The following CRACD variants were observed in gnomAD, a reference collection of about 807,000 sequenced individuals.
The protein encoded by CRACD is capping protein-inhibiting regulator of actin dynamics.
Under a neutral mutation model 106.8 loss-of-function variants are expected in CRACD, and 56 were observed. That is an observed-to-expected ratio of 0.52 (90% CI 0.42 to 0.66). CRACD has a LOEUF of 0.66. Among genes scored for constraint, CRACD ranks in the 30% least tolerant of loss-of-function variants. The probability of loss-of-function intolerance (pLI) is 0.00; values close to 1 mark genes in which losing one functional copy is unlikely to be tolerated. For missense variants in CRACD, 1,730 were observed against 1,623.2 expected (o/e 1.07, Z -1.13); for synonymous variants, 754 against 670.8 (o/e 1.12, Z -1.92).
At chr4:56,101,737 T>C (rs890104694) in intron 1 of CRACD, among the ~76,000 whole-genome samples, 17 of 137,692 alleles carry the variant, frequency 1.2e-4, no homozygotes, top group African/African-American at 4.5e-4. Flanking sequence ...CACTTCAGCC[T>C]GGGTGACAGA....
Position 56,316,196 on chromosome 4 carries a change from G to C in CRACD, c.2694G>C (p.Val898=). 8 of 1,614,166 alleles carry C rather than the reference G, an allele frequency of 5.0e-6. No homozygotes were observed. The highest frequency in any genetic ancestry group is 6.8e-6 in the Non-Finnish European group (8 of 1,180,014). The part of the protein sequence containing the change: ...SARGEKEMEG[V]ALKHGPSLPQ... ...GTGGAGAGAAAGAGATGGAGGGTGT[G>C]GCCCTCAAGCATGGTCCATCCCTCC... Residue 898 remains valine, a synonymous_variant, in exon 8 of 11, where the codon GTG becomes GTC. Coordinates refer to ENST00000682029, the MANE Select transcript of CRACD (RefSeq NM_001393381.1).
intron 3 of CRACD, among the ~76,000 whole-genome samples, chr4:56,289,698 A>G: frequency 6.6e-6 from 1 of 152,056 alleles, no homozygotes; most frequent in East Asian, 1.9e-4. Context: ...CAAAAAAAAA[A>G]AAAAAACAAA....
rs1258440451 is a variant in CRACD at position 56,314,448 on chromosome 4, G to T, written c.946G>T (p.Ala316Ser). ...REREERERLE[A>S]EEERRRLQAQ... ...GCGTGAGGAGCGCGAGCGCCTGGAG[G>T]CGGAGGAGGAGCGAAGGCGTCTGCA... Residue 316 changes from alanine to serine, a missense_variant, in exon 8 of 11, where the codon GCG becomes TCG. By Grantham distance (99) the Ala-to-Ser change is moderately conservative. Transcript: ENST00000682029. This position sits in a 1 kb window ranked among gnomAD's most constrained non-coding sequence, Gnocchi z 4.4. 6.5e-7 allele frequency: 1 copy of T among 1,539,436 alleles called. No individual in the cohort carries two copies.
intron 5 of CRACD, 32 bp from the exon 6 acceptor site, chr4:56,310,634 C>G (rs1252789495): frequency 1.3e-6 from 2 of 1,503,604 alleles, no homozygotes; most frequent in Non-Finnish European, 1.9e-6. Context: ...CCTGTTCAGG[C>G]CTTTGACTTG....
intron 1 of CRACD, among the ~76,000 whole-genome samples, chr4:56,094,733 T>C (rs1226802613): frequency 6.6e-6 from 1 of 152,228 alleles, no homozygotes; most frequent in Non-Finnish European, 1.5e-5. Flanking sequence ...GGATTTCATG[T>C]ACATTCATTT....
At chr4:56,050,560 A>G (rs967966182) in intron 1 of CRACD, among the ~76,000 whole-genome samples, 5 of 152,126 alleles carry the variant, frequency 3.3e-5, no homozygotes, top group African/African-American at 1.2e-4. Flanking sequence ...GTTTTGAGTA[A>G]TTTTTAAAAA....
chr4:56,314,952 G>A lies in CRACD; in HGVS notation c.1450G>A (p.Glu484Lys), dbSNP rs1577903796. ...TCGTCCTGGGCCCGAGGAAAAGAGA[G>A]AAGAAGGGGACACGGAGCCTCTCCT... ...ADRPGPEEKR[E>K]EGDTEPLLKQ... The change falls in exon 8 of 11, where the codon GAA (glutamate) becomes AAA (lysine). Residue 484 changes from glutamate (E) to lysine (K), a missense_variant. Transcript: ENST00000682029. This position sits in a 1 kb window ranked among gnomAD's most constrained non-coding sequence, Gnocchi z 4.4. 6.3e-7 allele frequency: 1 copy of A among 1,594,092 alleles called. No individual in the cohort carries two copies. The highest frequency in any genetic ancestry group is 8.5e-7 in the Non-Finnish European group (1 of 1,171,800).
chr4:56,279,173 C>T (rs1742854398), intron 3 of CRACD, among the ~76,000 whole-genome samples: 2 of 152,178 alleles, frequency 1.3e-5, no homozygotes, highest in South Asian at 4.1e-4. Flanking sequence ...CACCCACTGT[C>T]CTGCACCCAA....
Position 56,327,819 on chromosome 4 carries a change from C to T in CRACD, c.*15C>T. 2 of 1,605,028 alleles carry T rather than the reference C, an allele frequency of 1.2e-6. No individual in the cohort carries two copies. The highest frequency in any genetic ancestry group is 1.7e-6 in the Non-Finnish European group (2 of 1,173,580). On this transcript the variant is annotated 3_prime_UTR_variant, in exon 11 of 11. Coordinates refer to ENST00000682029, the MANE Select transcript of CRACD (RefSeq NM_001393381.1). Reference sequence around the variant, plus strand: ...TTATTAAGTAAAGAGTGACTCTCACCCATCCCTACTGCCAGTTATTGGCTC... The same window carrying T: ...TTATTAAGTAAAGAGTGACTCTCACTCATCCCTACTGCCAGTTATTGGCTC...
chr4:56,190,073 G>T (rs1737301731), intron 2 of CRACD, among the ~76,000 whole-genome samples: 1 of 148,010 alleles, frequency 6.8e-6, no homozygotes, highest in African/African-American at 2.5e-5. Flanking sequence ...TGTGGTGTTT[G>T]GTTTTTTGTT....
intron 2 of CRACD, among the ~76,000 whole-genome samples, chr4:56,268,193 A>G (rs1258282145): frequency 6.6e-6 from 1 of 152,254 alleles, no homozygotes; most frequent in African/African-American, 2.4e-5. Context: ...ATAATTTAAT[A>G]TCTTTATTTA....
At chr4:56,277,467 ATAG>A (rs1742740167) in intron 3 of CRACD, among the ~76,000 whole-genome samples, 1 of 151,668 alleles carries the variant, frequency 6.6e-6, no homozygotes, top group African/African-American at 2.4e-5. Context: ...AAAAAAAAAA[ATAG>A]ACAACACTGG....
At chr4:56,262,960 T>C (rs939303607) in intron 2 of CRACD, among the ~76,000 whole-genome samples, 9 of 152,132 alleles carry the variant, frequency 5.9e-5, no homozygotes, top group South Asian at 4.1e-4. Context: ...GAAGAGGGAA[T>C]GGTAGGTCTA....
intron 1 of CRACD, among the ~76,000 whole-genome samples, chr4:56,106,816 A>C (rs531239281): frequency 6.6e-6 from 1 of 152,332 alleles, no homozygotes; most frequent in Non-Finnish European, 1.5e-5. Context: ...AAATATATTT[A>C]CTAGAAAAGC....
intron 2 of CRACD, among the ~76,000 whole-genome samples, chr4:56,211,898 G>T (rs936268609): frequency 6.6e-6 from 1 of 152,154 alleles, no homozygotes; most frequent in Admixed American, 6.5e-5. Flanking sequence ...TGGCTTTCAG[G>T]CTTTAAACTG....
intron 3 of CRACD, among the ~76,000 whole-genome samples, chr4:56,294,962 A>T (rs2109711360): frequency 6.6e-6 from 1 of 150,594 alleles, no homozygotes; most frequent in East Asian, 1.9e-4. Flanking sequence ...AAAAGAAAAG[A>T]AAGAAAGAAA....
rs900099230 is a variant in CRACD at position 56,314,670 on chromosome 4, G to A, written c.1168G>A (p.Gly390Arg). The change falls in exon 8 of 11, where the codon GGG (glycine) becomes AGG (arginine). Residue 390 changes from glycine to arginine, a missense_variant. Transcript: ENST00000682029. The surrounding 1 kb of genome is among the most constrained non-coding windows in gnomAD (Gnocchi z 4.4). ...QGPPEALEET[G>R]EGRRGAEEED... ...GCCGCCCGAGGCGTTGGAGGAGACTGGGGAGGGCCGGCGGGGCGCGGAGGA... is the reference window on the plus strand; with the variant it reads ...GCCGCCCGAGGCGTTGGAGGAGACTAGGGAGGGCCGGCGGGGCGCGGAGGA... The A allele has an allele frequency of 6.4e-7, 1 of 1,550,560 alleles. No homozygotes were observed. Among genetic ancestry groups the A allele is most frequent in the East Asian group, 2.4e-5 (1 of 41,146 alleles).
At position 56,315,495 on chromosome 4, in the gene CRACD, C is replaced by T. The variant is rs1233741252; in HGVS notation, c.1993C>T (p.Leu665Phe). ...GGAGTCTCCCAGCAGCGCGTCCGCA[C>T]TCGCAGAATGGGCTTCCATTCGGTC... ...RQESPSSASA[L>F]AEWASIRSRI... is the part of the protein sequence containing the mutation. The change falls in exon 8 of 11, where the codon CTC (leucine) becomes TTC (phenylalanine). Residue 665 changes from leucine to phenylalanine, a missense_variant. This residue lies in a region of CRACD where 1,620 missense variants were observed against 1,481.6 expected (regional missense o/e 1.09). Coordinates refer to ENST00000682029, the MANE Select transcript of CRACD (RefSeq NM_001393381.1). This position sits in a 1 kb window ranked among gnomAD's most constrained non-coding sequence, Gnocchi z 4.1. 6.2e-7 allele frequency: 1 copy of T among 1,613,400 alleles called. No homozygotes were observed. The highest frequency in any genetic ancestry group is 1.3e-5 in the African/African-American group (1 of 74,938).
At chr4:56,119,338 T>C (rs925029783) in intron 1 of CRACD, among the ~76,000 whole-genome samples, 4 of 152,078 alleles carry the variant, frequency 2.6e-5, no homozygotes, top group African/African-American at 9.7e-5. Context: ...TCTTTTTTTT[T>C]TTCTTTTTTT....
Sources: allele counts gnomAD v4.1 joint callset (sites outside exome capture counted in the v4.1 genomes callset), GRCh38; gene constraint gnomAD v4.1.1; regional missense constraint gnomAD v4.1.1; non-coding constraint Gnocchi (gnomAD v3.1); transcripts MANE v1.5; gene names NCBI Gene and HGNC (gene_info 2026-07-23, HGNC 2026-07-21).